The following NLRC4 variants were observed in gnomAD, a reference collection of about 807,000 sequenced individuals.
The protein encoded by NLRC4 is NLR family CARD domain-containing protein 4.
In NLRC4, 63 loss-of-function variants were observed where a neutral mutation model predicts 79.9. The ratio of observed to expected loss-of-function variants is 0.79; its 90% CI spans 0.64 to 0.97. The LOEUF (loss-of-function observed/expected upper bound fraction) is 0.97, where lower values mean the gene tolerates loss of function less well. Among genes scored for constraint, NLRC4 ranks in the 50% least tolerant of loss-of-function variants. The pLI is 0.00. For synonymous variants in NLRC4, 461 were observed against 456.5 expected (o/e 1.01, Z -0.12); for missense variants, 1,074 against 1,215.2 (o/e 0.88, Z 1.73).
At chr2:32,239,009 G>A (rs1421595096) in intron 5 of NLRC4, among the ~76,000 whole-genome samples, 1 of 152,144 alleles carries the variant, frequency 6.6e-6, no homozygotes, top group South Asian at 2.1e-4. Context: ...GACCAGGCAT[G>A]GTGGCTCACA....
At chr2:32,245,630 C>T (rs1686917701) in intron 4 of NLRC4, among the ~76,000 whole-genome samples, 1 of 152,060 alleles carries the variant, frequency 6.6e-6, no homozygotes, top group African/African-American at 2.4e-5. Context: ...CTGGATTGTT[C>T]TTAACACAAA....
intron 1 of NLRC4, among the ~76,000 whole-genome samples, chr2:32,262,877 AT>A (rs1285431635): frequency 3.3e-5 from 5 of 151,896 alleles, no homozygotes; most frequent in African/African-American, 1.2e-4. Flanking sequence ...GAATAACTGA[AT>A]TGGGTGGAAG....
intron 1 of NLRC4, among the ~76,000 whole-genome samples, chr2:32,261,802 G>C (rs1481362510): frequency 6.6e-6 from 1 of 152,056 alleles, no homozygotes; most frequent in East Asian, 1.9e-4. Flanking sequence ...AATTGGAGCA[G>C]CCAGGCGCGG....
chr2:32,242,554 A>G (rs1209799680), intron 4 of NLRC4, among the ~76,000 whole-genome samples: 1 of 152,252 alleles, frequency 6.6e-6, no homozygotes, highest in Non-Finnish European at 1.5e-5. Context: ...AGGCACAGAT[A>G]TGTTCACTTG....
At chr2:32,258,431 G>C (rs1232681195) in intron 1 of NLRC4, among the ~76,000 whole-genome samples, 1 of 152,212 alleles carries the variant, frequency 6.6e-6, no homozygotes, top group African/African-American at 2.4e-5. Context: ...GCCAAGGCAG[G>C]AGTGCCTGTC....
At chr2:32,224,824 A>G in intron 8 of NLRC4, 59 bp from the exon 9 acceptor site, 2 of 965,000 alleles carry the variant, frequency 2.1e-6, no homozygotes, top group Middle Eastern at 2.2e-4. Flanking sequence ...AAAAAAGAGA[A>G]ATAGGTTCTA....
intron 6 of NLRC4, 71 bp from the exon 7 acceptor site, chr2:32,236,410 GAA>G: frequency 1.2e-6 from 1 of 811,386 alleles, no homozygotes; most frequent in Admixed American, 3.7e-5. Context: ...AGTATCCTTA[GAA>G]TAATTCTGAG....
At chr2:32,236,879 G>A (rs982209538) in intron 6 of NLRC4, among the ~76,000 whole-genome samples, 1 of 145,534 alleles carries the variant, frequency 6.9e-6, no homozygotes, top group African/African-American at 2.6e-5. Context: ...AAAACAAATA[G>A]CAAAATGGCA....
chr2:32,251,896 G>A (rs1023633323), intron 3 of NLRC4, among the ~76,000 whole-genome samples: 1 of 152,202 alleles, frequency 6.6e-6, no homozygotes, highest in Non-Finnish European at 1.5e-5. Flanking sequence ...GAATTTGGCA[G>A]AGAAAGATGG....
Position 32,250,399 on chromosome 2 carries a change from T to C in NLRC4, c.1465A>G (p.Ser489Gly). Residue 489 changes from serine (S) to glycine (G), a missense_variant, in exon 4 of 9, where the codon AGC becomes GGC. Physicochemically the swap from Ser to Gly is moderately conservative, Grantham distance 56. Coordinates refer to ENST00000402280, the MANE Select transcript of NLRC4 (RefSeq NM_001199138.2). This position sits in a 1 kb window ranked among gnomAD's most constrained non-coding sequence, Gnocchi z 4.9. ...GACCCACAGGTGTACCGGAGCAGGC[T>C]GCTATAAGTGGATGTAATGTCCGAA... ...SISDITSTYS[S>G]LLRYTCGSSV... 6.2e-7 allele frequency: 1 copy of C among 1,614,202 alleles called. No individual in the cohort carries two copies. The highest frequency in any genetic ancestry group is 8.5e-7 in the Non-Finnish European group (1 of 1,180,034).
intron 4 of NLRC4, among the ~76,000 whole-genome samples, chr2:32,245,397 G>A (rs1030560334): frequency 2.6e-5 from 4 of 151,108 alleles, no homozygotes; most frequent in African/African-American, 7.3e-5. Context: ...GACATCACGT[G>A]TTCTTACTTA....
chr2:32,264,091 T>C (rs1189877718), intron 1 of NLRC4, among the ~76,000 whole-genome samples: 1 of 152,120 alleles, frequency 6.6e-6, no homozygotes, highest in East Asian at 1.9e-4. Context: ...GTCCACCTCG[T>C]TCCTTTCAGC....
chr2:32,230,176 GAGA>G (rs1301254736), intron 8 of NLRC4, among the ~76,000 whole-genome samples: 2 of 152,150 alleles, frequency 1.3e-5, no homozygotes, highest in East Asian at 1.9e-4. Flanking sequence ...AAGCTCTAAG[GAGA>G]AGGAGAGAAA....
chr2:32,249,843 T>A lies in NLRC4; in HGVS notation c.2021A>T (p.Lys674Met), dbSNP rs759160311. 6.2e-7 allele frequency: 1 copy of A among 1,614,252 alleles called. No homozygotes were observed. Among genetic ancestry groups the A allele is most frequent in the Non-Finnish European group, 8.5e-7 (1 of 1,180,040 alleles). The change falls in exon 4 of 9, where the codon AAG becomes ATG. Residue 674 changes from lysine (K) to methionine (M), a missense_variant. By Grantham distance (95) the Lys-to-Met change is moderately conservative. Transcript: ENST00000402280. ...TTTCCCCAGATATCTGATATCTTGC[T>A]TATTCAACTTGCTGAAATCCCGGAG... The part of the protein sequence containing the change: ...VTLRDFSKLN[K>M]QDIRYLGKIF...
intron 2 of NLRC4, among the ~76,000 whole-genome samples, chr2:32,255,491 GC>G (rs1687185380): frequency 7.4e-6 from 1 of 135,408 alleles, no homozygotes; most frequent in Middle Eastern, 4.5e-3. Flanking sequence ...TTGCACTCCA[GC>G]CTGGGCAACA....
At chr2:32,248,204 A>G (rs532936339) in intron 4 of NLRC4, among the ~76,000 whole-genome samples, 1 of 152,340 alleles carries the variant, frequency 6.6e-6, no homozygotes, top group South Asian at 2.1e-4. Flanking sequence ...TTCCTGGCTA[A>G]TATTTCCAGC....
intron 4 of NLRC4, among the ~76,000 whole-genome samples, chr2:32,246,155 G>A (rs896827966): frequency 6.6e-6 from 1 of 152,184 alleles, no homozygotes; most frequent in Non-Finnish European, 1.5e-5. Flanking sequence ...CTGCACTCCA[G>A]CCTGGGTGAC....
chr2:32,238,664 C>CT (rs1553343865), intron 5 of NLRC4, among the ~76,000 whole-genome samples: 2 of 151,504 alleles, frequency 1.3e-5, no homozygotes, highest in Non-Finnish European at 2.9e-5. Flanking sequence ...TCTTAAACAG[C>CT]GGGGGGGCTG....
intron 8 of NLRC4, among the ~76,000 whole-genome samples, chr2:32,232,774 C>G (rs939150092): frequency 1.4e-4 from 21 of 151,974 alleles, no homozygotes; most frequent in African/African-American, 4.8e-4. Flanking sequence ...ACTGGAAGTC[C>G]CAGTGAAGTA....
Sources: gnomAD v4.1 joint callset for allele counts (sites outside exome capture counted in the v4.1 genomes callset) on GRCh38, gnomAD v4.1.1 for gene constraint, Gnocchi (gnomAD v3.1) non-coding constraint, MANE v1.5 for transcripts, NCBI Gene and HGNC (gene_info 2026-07-23, HGNC 2026-07-21) for gene names.